Variants in PDZD9 observed in about 807,000 individuals in gnomAD.
PDZD9 encodes PDZ domain-containing protein 9.
PDZD9 carries 13 observed loss-of-function variants against 16.3 expected under a neutral mutation model. That is an observed-to-expected ratio of 0.80 (90% CI 0.52 to 1.27). The LOEUF (loss-of-function observed/expected upper bound fraction) is 1.27, where lower values mean the gene tolerates loss of function less well. Among genes scored for constraint, PDZD9 ranks in the 50% most tolerant of loss-of-function variants. The probability of loss-of-function intolerance (pLI) is 0.00; values close to 1 mark genes in which losing one functional copy is unlikely to be tolerated. For synonymous variants in PDZD9, 120 were observed against 111.0 expected (o/e 1.08, Z -0.51); for missense variants, 288 against 310.9 (o/e 0.93, Z 0.55).
the PDZD9 span, chr16:21,972,116 A>G: frequency 2.5e-6 from 4 of 1,613,112 alleles, no homozygotes; most frequent in Admixed American, 5.0e-5. Flanking sequence ...CTCAGCAGCC[A>G]TTTGATGTGA....
the PDZD9 span, chr16:21,962,920 A>G: frequency 1.9e-4 from 295 of 1,577,226 alleles, 2 homozygotes; most frequent in African/African-American, 3.4e-3. Flanking sequence ...TGATTCTAAG[A>G]TACTGGGTTT....
At chr16:21,962,346 C>A in the PDZD9 span, 1 of 1,262,398 alleles carries the variant, frequency 7.9e-7, no homozygotes, top group Non-Finnish European at 1.1e-6. Context: ...TTATTGTTCG[C>A]ACCTTTTATA....
downstream of PDZD9, among the ~76,000 whole-genome samples, chr16:21,982,380 A>C (rs1298907268): frequency 1.3e-5 from 2 of 152,216 alleles, no homozygotes; most frequent in South Asian, 2.1e-4. Flanking sequence ...TTAAGTTAAC[A>C]ATCAATGTAT....
chr16:21,988,766 A>G lies in PDZD9; in HGVS notation c.237T>C (p.His79=), dbSNP rs1395354413. The G allele has an allele frequency of 1.2e-6, 2 of 1,612,336 alleles. No homozygotes were observed. Among genetic ancestry groups the G allele is most frequent in the East Asian group, 2.2e-5 (1 of 44,872 alleles). The change falls in exon 3 of 4, where the codon CAT becomes CAC. Residue 79 remains histidine, a synonymous_variant. Transcript: ENST00000424898. The part of the protein sequence containing the change: ...QPGDVLISVG[H]ANVLGYTLRE... The stretch of plus-strand genomic sequence containing the variant: ...GAAGAGTATATCCTAACACATTGGC[A>G]TGGCCAACACTAATCAGAACATCAC...
At chr16:21,993,574 G>A (rs1899074794) in intron 2 of PDZD9, among the ~76,000 whole-genome samples, 1 of 152,092 alleles carries the variant, frequency 6.6e-6, no homozygotes, top group African/African-American at 2.4e-5. Context: ...CTGCAAATTA[G>A]AATCACCTGA....
the PDZD9 span, among the ~76,000 whole-genome samples, chr16:21,966,259 TC>T: frequency 6.6e-6 from 1 of 152,160 alleles, no homozygotes. Flanking sequence ...TGAGCCCACT[TC>T]CTTAGCTCCT....
chr16:21,999,244 G>C, intron 1 of PDZD9: 1 of 213,768 alleles, frequency 4.7e-6, no homozygotes, highest in Non-Finnish European at 1.0e-5. Flanking sequence ...GCTCGCTAGG[G>C]CCCAGTGGCA....
rs368251519 is a variant in PDZD9, at chr16:21,991,414, T to C, written c.212-2623A>G. Among the ~76,000 whole-genome samples the C allele has an allele frequency of 5.9e-5, 9 of 152,084 alleles. 1 individual carries two copies. The highest frequency in any genetic ancestry group is 9.7e-5 in the African/African-American group (4 of 41,410). On this transcript the variant is annotated intron_variant, in intron 2 of 3. Coordinates refer to ENST00000424898, the MANE Select transcript of PDZD9 (RefSeq NM_001363519.1). ...CCACCATGTTGGGCTAGTTTTTGTA[T>C]TTTTTATTGAAATGGGGTTTTGTCA...
the PDZD9 span, among the ~76,000 whole-genome samples, chr16:21,958,892 T>C: frequency 2.5e-4 from 38 of 152,306 alleles, no homozygotes; most frequent in East Asian, 5.2e-3. Flanking sequence ...GTCATAGGAA[T>C]TTTGTGGTTT....
chr16:21,976,707 A>T, the PDZD9 span: 58 of 152,818 alleles, frequency 3.8e-4, no homozygotes, highest in Non-Finnish European at 2.9e-4. Context: ...AGCCAAACAA[A>T]CATAAGTCAA....
chr16:21,957,689 G>A, the PDZD9 span: 156 of 1,375,580 alleles, frequency 1.1e-4, no homozygotes, highest in African/African-American at 1.9e-3. Context: ...AAATTACCAC[G>A]GACTGGGTAG....
chr16:21,980,144 A>C (rs531419167), downstream of PDZD9: 1 of 186,622 alleles, frequency 5.4e-6, no homozygotes, highest in East Asian at 1.2e-4. Flanking sequence ...GATCTTCCTC[A>C]CTGTGCCAGT....
chr16:21,998,750 C>T (rs943026763), intron 1 of PDZD9: 1 of 140,896 alleles, frequency 7.1e-6, no homozygotes, highest in African/African-American at 2.7e-5. Context: ...CAGCTACAAG[C>T]CTGGGTGACA....
At chr16:21,994,960 A>G (rs1899110064) in intron 2 of PDZD9, among the ~76,000 whole-genome samples, 1 of 151,778 alleles carries the variant, frequency 6.6e-6, no homozygotes, top group South Asian at 2.1e-4. Flanking sequence ...CCTCCTGAGT[A>G]GCTAGGATTA....
the PDZD9 span, among the ~76,000 whole-genome samples, chr16:21,965,196 G>A: frequency 1.3e-5 from 2 of 152,196 alleles, no homozygotes; most frequent in Admixed American, 6.5e-5. Flanking sequence ...AGAAGCTGCT[G>A]CCATGTAATC....
chr16:21,971,402 G>A, the PDZD9 span: 1 of 753,862 alleles, frequency 1.3e-6, no homozygotes, highest in Non-Finnish European at 2.1e-6. Flanking sequence ...ATGGCAGGAA[G>A]ACTCTTATTT....
chr16:21,982,981 AAAG>A (rs1555516664), downstream of PDZD9: 2 of 1,025,294 alleles, frequency 2.0e-6, no homozygotes, highest in Non-Finnish European at 2.8e-6. Context: ...AAAAAAAAAA[AAAG>A]AATGTCCTAT....
At chr16:21,960,460 C>G in the PDZD9 span, among the ~76,000 whole-genome samples, 4 of 152,176 alleles carry the variant, frequency 2.6e-5, no homozygotes, top group Non-Finnish European at 4.4e-5. Flanking sequence ...CTAATCCAGA[C>G]CAGTAAAACT....
chr16:21,991,724 G>A (rs1244396444), intron 2 of PDZD9, among the ~76,000 whole-genome samples: 3 of 152,144 alleles, frequency 2.0e-5, no homozygotes, highest in East Asian at 1.9e-4. Flanking sequence ...GGGAGGAAAC[G>A]GGGTCAAAGA....
Sources: allele counts gnomAD v4.1 joint callset (sites outside exome capture counted in the v4.1 genomes callset), GRCh38; gene constraint gnomAD v4.1.1; transcripts MANE v1.5; gene names NCBI Gene and HGNC (gene_info 2026-07-23, HGNC 2026-07-21).